The following C3orf33 variants were observed in gnomAD, a reference collection of about 807,000 sequenced individuals.
C3orf33 encodes mitochondrial inner membrane subdomain organizer 1, also known as AP-1 activity suppressor.
C3orf33 carries 23 observed loss-of-function variants against 28.7 expected under a neutral mutation model. The ratio of observed to expected loss-of-function variants is 0.80; its 90% CI spans 0.58 to 1.13. The LOEUF (loss-of-function observed/expected upper bound fraction) is 1.13. Ranked by LOEUF, C3orf33 falls within the 50% of genes most tolerant of loss-of-function variation. The pLI, the probability that C3orf33 is intolerant of heterozygous loss-of-function variation, is 0.00. For synonymous variants in C3orf33, 119 were observed against 120.5 expected (o/e 0.99, Z 0.08); for missense variants, 327 against 353.4 (o/e 0.93, Z 0.60).
At chr3:155,767,085 T>C (rs1417964013) in intron 4 of C3orf33, among the ~76,000 whole-genome samples, 1 of 152,012 alleles carries the variant, frequency 6.6e-6, no homozygotes, top group East Asian at 1.9e-4. Context: ...AAACCCCATC[T>C]CTACTAAAAA....
intron 2 of C3orf33, among the ~76,000 whole-genome samples, chr3:155,802,309 A>G (rs1751671855): frequency 6.6e-6 from 1 of 152,236 alleles, no homozygotes; most frequent in Non-Finnish European, 1.5e-5. Context: ...AGCATGAAAA[A>G]AAGTGATTAT....
chr3:155,799,972 A>C (rs1218163317), intron 2 of C3orf33, among the ~76,000 whole-genome samples: 1 of 152,198 alleles, frequency 6.6e-6, no homozygotes, highest in Non-Finnish European at 1.5e-5. Context: ...ATGAAAATAT[A>C]ATTAAATAGA....
intron 4 of C3orf33, among the ~76,000 whole-genome samples, chr3:155,765,032 T>C (rs939156025): frequency 1.3e-5 from 2 of 152,200 alleles, no homozygotes; most frequent in Non-Finnish European, 2.9e-5. Flanking sequence ...TCAAATCTTA[T>C]AAGCTCATTC....
At chr3:155,774,556 A>AC (rs1368215577) in intron 3 of C3orf33, among the ~76,000 whole-genome samples, 14 of 151,992 alleles carry the variant, frequency 9.2e-5, no homozygotes, top group African/African-American at 3.4e-4. Context: ...GGCATCTTAC[A>AC]CCAAACCTGT....
At chr3:155,765,739 G>C (rs1750383717) in intron 4 of C3orf33, among the ~76,000 whole-genome samples, 1 of 151,908 alleles carries the variant, frequency 6.6e-6, no homozygotes, top group African/African-American at 2.4e-5. Context: ...GTAGTGATGG[G>C]GTTTCACCAA....
Position 155,763,564 on chromosome 3 carries a change from T to C in C3orf33, c.838A>G (p.Lys280Glu), listed in dbSNP as rs1577407121. The change falls in exon 5 of 5, where the codon AAG (lysine) becomes GAG (glutamate). Residue 280 changes from lysine to glutamate, a missense_variant. Physicochemically the swap from Lys to Glu is moderately conservative, Grantham distance 56. Transcript: ENST00000340171. ...DNMNNCSLIL[K>E]FRELISRINF... ...ATGCGACTTATAAGTTCTCTGAACT[T>C]CAGTATTAAGGAGCAGTTGTTCATG... The C allele has an allele frequency of 1.9e-6, 3 of 1,550,834 alleles. No homozygotes were observed. Among genetic ancestry groups the C allele is most frequent in the Non-Finnish European group, 2.6e-6 (3 of 1,159,162 alleles).
At chr3:155,782,254 C>G (rs527589054) in intron 2 of C3orf33, among the ~76,000 whole-genome samples, 1 of 149,758 alleles carries the variant, frequency 6.7e-6, no homozygotes, top group African/African-American at 2.5e-5. Context: ...CCTAAGGAAT[C>G]TATGGAACAC....
intron 2 of C3orf33, among the ~76,000 whole-genome samples, chr3:155,799,603 C>T (rs562983380): frequency 1.2e-4 from 18 of 152,104 alleles, no homozygotes; most frequent in African/African-American, 3.4e-4. Context: ...ATGAGAGGAT[C>T]GCTTGAGCCC....
chr3:155,766,225 A>G (rs1012164194), intron 4 of C3orf33, among the ~76,000 whole-genome samples: 3 of 152,208 alleles, frequency 2.0e-5, no homozygotes, highest in Non-Finnish European at 4.4e-5. Context: ...ATATCATAGT[A>G]TGATCAAGGT....
rs7653384 is a variant in C3orf33, at chr3:155,763,820, G to A, written c.582C>T (p.Tyr194=). The A allele has an allele frequency of 0.59, 944,736 of 1,589,766 alleles. 284,690 individuals are homozygous for A. The highest frequency in any genetic ancestry group is 0.68 in the Middle Eastern group (4,053 of 5,990). ...VKGLKYDSKI[Y]WTVHRNLLKA... ...TAAGTAAGTTTCTGTGAACTGTCCA[G>A]TAGATTTTAGAATCATATTTAAGCC... Residue 194 remains tyrosine, a synonymous_variant, in exon 5 of 5, where the codon TAC becomes TAT. Coordinates refer to ENST00000340171, the MANE Select transcript of C3orf33 (RefSeq NM_001308229.2).
In C3orf33 at chr3:155,776,691, G is replaced by T. The variant is rs143197594; in HGVS notation, c.175-843C>A. 4.1e-3 allele frequency among the ~76,000 whole-genome samples: 598 copies of T among 144,644 alleles called. 5 individuals are homozygous for T. Among genetic ancestry groups the T allele is most frequent in the African/African-American group, 0.015 (554 of 38,072 alleles). The allele number at this position is 144,644 out of a possible 152,430, so 94.9% of individuals were successfully genotyped here. A position where few individuals can be genotyped will look rare whatever the true frequency, so the allele number is the denominator to read the frequency against. ...GGGTCACTTGAGCCCAGGAGTTTAAGGTTACAGTGAGCCATAATAGCACCA... is the reference window on the plus strand; with the variant it reads ...GGGTCACTTGAGCCCAGGAGTTTAATGTTACAGTGAGCCATAATAGCACCA... On this transcript the variant is annotated intron_variant, in intron 2 of 4. Transcript: ENST00000340171.
intron 3 of C3orf33, among the ~76,000 whole-genome samples, chr3:155,772,970 C>T (rs939472663): frequency 2.0e-5 from 3 of 152,168 alleles, no homozygotes; most frequent in Non-Finnish European, 4.4e-5. Flanking sequence ...ACACACCAAT[C>T]TGTGTTCTAC....
chr3:155,797,979 G>A (rs1048466845), intron 2 of C3orf33, among the ~76,000 whole-genome samples: 1 of 151,610 alleles, frequency 6.6e-6, no homozygotes, highest in African/African-American at 2.4e-5. Flanking sequence ...GCTGAGGCAT[G>A]AGAATTGCTT....
At position 155,775,824 on chromosome 3, in the gene C3orf33, C is replaced by T. The variant is rs779189172; in HGVS notation, c.199G>A (p.Asp67Asn). ...RLTSKFTSSS[D>N]IPVEFIRRNV... ...CTTCTTATAAATTCTACTGGAATATCCGAAGAGCTTGTAAATTTTGATGTC... is the reference window on the plus strand; with the variant it reads ...CTTCTTATAAATTCTACTGGAATATTCGAAGAGCTTGTAAATTTTGATGTC... Residue 67 changes from aspartate to asparagine, a missense_variant, in exon 3 of 5, where the codon GAT becomes AAT. Transcript: ENST00000340171. 1 of 1,592,550 alleles carries T rather than the reference C, an allele frequency of 6.3e-7. No homozygotes were observed. Among genetic ancestry groups the T allele is most frequent in the Non-Finnish European group, 8.6e-7 (1 of 1,164,710 alleles).
chr3:155,792,486 A>T (rs1000237901), intron 2 of C3orf33, among the ~76,000 whole-genome samples: 2 of 152,156 alleles, frequency 1.3e-5, no homozygotes, highest in African/African-American at 2.4e-5. Flanking sequence ...AAAAAACTAA[A>T]TAAGGTACCA....
chr3:155,776,873 G>A (rs1750765905), intron 2 of C3orf33, among the ~76,000 whole-genome samples: 1 of 151,142 alleles, frequency 6.6e-6, no homozygotes, highest in African/African-American at 2.4e-5. Flanking sequence ...AACCCAGAAT[G>A]TGGAATATAC....
chr3:155,787,631 C>T (rs34292890), intron 2 of C3orf33, among the ~76,000 whole-genome samples: 1 of 151,374 alleles, frequency 6.6e-6, no homozygotes, highest in Non-Finnish European at 1.5e-5. Context: ...TGATTACAGG[C>T]GTGAGCCACT....
intron 3 of C3orf33, among the ~76,000 whole-genome samples, chr3:155,770,524 C>T (rs1750548006): frequency 6.6e-6 from 1 of 152,172 alleles, no homozygotes; most frequent in African/African-American, 2.4e-5. Context: ...TATTAATATC[C>T]TAATTATTTA....
At chr3:155,804,870 C>T (rs1751765099) in intron 1 of C3orf33, among the ~76,000 whole-genome samples, 1 of 152,132 alleles carries the variant, frequency 6.6e-6, no homozygotes, top group African/African-American at 2.4e-5. Flanking sequence ...ATCCAGTTGC[C>T]AAGGACAGCA....
Sources: allele counts gnomAD v4.1 joint callset (sites outside exome capture counted in the v4.1 genomes callset), GRCh38; gene constraint gnomAD v4.1.1; transcripts MANE v1.5; gene names NCBI Gene and HGNC (gene_info 2026-07-23, HGNC 2026-07-21).